IKZF1: variants seen among roughly 807,000 people sequenced by gnomAD.
IKZF1 encodes the protein DNA-binding protein Ikaros.
IKZF1 carries 10 observed loss-of-function variants against 51.7 expected under a neutral mutation model. The observed-to-expected ratio is 0.19, with a 90% CI of 0.12 to 0.33. The LOEUF (loss-of-function observed/expected upper bound fraction) is 0.33. IKZF1 is among the 10% of genes least tolerant of loss of function. IKZF1 has a pLI of 1.00. For synonymous variants in IKZF1, 280 were observed against 282.3 expected, an observed-to-expected ratio of 0.99 and a Z score of 0.08; for missense variants, 484 against 707.5, an observed-to-expected ratio of 0.68 and a Z score of 3.58.
rs115538632 is a variant in IKZF1 at position 50,401,392 on chromosome 7, G to A, written c.*765G>A. 2,014 of 227,640 alleles carry A rather than the reference G, an allele frequency of 8.8e-3. 43 individuals carry two copies. Among genetic ancestry groups the A allele is most frequent in the African/African-American group, 0.042 (1,901 of 45,124 alleles). 14.1% of individuals were successfully genotyped at this position (227,640 alleles called of 1,614,324 possible). A position where few individuals can be genotyped will look rare whatever the true frequency, so the allele number is the denominator to read the frequency against. ...GCCTCCCGAGGCTTGCTGCCCCGTA[G>A]GAGGAGACTGTCTTCCCGTGGGCAT... On this transcript the variant is annotated 3_prime_UTR_variant, in exon 8 of 8. Coordinates refer to ENST00000331340, the MANE Select transcript of IKZF1 (RefSeq NM_006060.6).
At chr7:50,388,071 G>C (rs974722565) in intron 6 of IKZF1, among the ~76,000 whole-genome samples, 1 of 152,124 alleles carries the variant, frequency 6.6e-6, no homozygotes, top group South Asian at 2.1e-4. Context: ...ATTGCATAAC[G>C]AGATAGCACT....
At chr7:50,344,383 C>T (rs534651973) in intron 3 of IKZF1, among the ~76,000 whole-genome samples, 1 of 152,186 alleles carries the variant, frequency 6.6e-6, no homozygotes, top group African/African-American at 2.4e-5. Context: ...CCAATGACTC[C>T]TTTATGAAGT....
intron 1 of IKZF1, among the ~76,000 whole-genome samples, chr7:50,307,904 G>A (rs1789195252): frequency 6.6e-6 from 1 of 152,148 alleles, no homozygotes; most frequent in Non-Finnish European, 1.5e-5. Flanking sequence ...CAGTAACAAA[G>A]CTGTTTTTAC....
intron 1 of IKZF1, among the ~76,000 whole-genome samples, chr7:50,305,554 A>C (rs905974198): frequency 3.9e-5 from 6 of 152,200 alleles, no homozygotes; most frequent in African/African-American, 1.4e-4. Flanking sequence ...GGAGGCATCT[A>C]ATGACCGAAA....
intron 3 of IKZF1, among the ~76,000 whole-genome samples, chr7:50,339,740 CCTT>C (rs1191085206): frequency 6.7e-6 from 1 of 150,132 alleles, no homozygotes; most frequent in African/African-American, 2.4e-5. Context: ...GGTGATAACT[CCTT>C]CTCAAAAAAA....
intron 3 of IKZF1, among the ~76,000 whole-genome samples, chr7:50,329,946 G>A (rs1215671830): frequency 1.3e-5 from 2 of 152,340 alleles, no homozygotes; most frequent in East Asian, 3.9e-4. Flanking sequence ...GGAGAGTGAA[G>A]AATAGCACAC....
At chr7:50,335,511 G>C (rs1214706616) in intron 3 of IKZF1, among the ~76,000 whole-genome samples, 1 of 145,348 alleles carries the variant, frequency 6.9e-6, no homozygotes, top group Non-Finnish European at 1.5e-5. Flanking sequence ...GTGTGTATGG[G>C]ATGTGTGGTG....
In IKZF1 at chr7:50,367,399, C is replaced by T. The variant is rs557591832; in HGVS notation, c.161-9134C>T. Among the ~76,000 whole-genome samples the T allele has an allele frequency of 2.9e-4, 44 of 152,206 alleles. No homozygotes were observed. The South Asian group carries it at 3.3e-3, about 11-fold the overall frequency. ...AGAAAGGAACATGCTGGGAAACTGT[C>T]CTGTGAAAGAGAATAGAAACCTGAA... is the stretch of plus-strand genomic sequence containing the variant. On this transcript the variant is annotated intron_variant, in intron 3 of 7. Coordinates refer to ENST00000331340, the MANE Select transcript of IKZF1 (RefSeq NM_006060.6).
intron 1 of IKZF1, among the ~76,000 whole-genome samples, chr7:50,310,185 T>C (rs2153335358): frequency 6.6e-6 from 1 of 152,358 alleles, no homozygotes; most frequent in Non-Finnish European, 1.5e-5. Context: ...ACTTTTGCAG[T>C]ATGAGTGTTT....
Position 50,387,413 on chromosome 7 carries a change from A to G in IKZF1, c.658A>G (p.Lys220Glu). The change falls in exon 6 of 8, where the codon AAA (lysine) becomes GAA (glutamate). Residue 220 changes from lysine to glutamate, a missense_variant. This residue lies in a region of IKZF1 where 53 missense variants were observed against 167.7 expected (regional missense o/e 0.32). Coordinates refer to ENST00000331340, the MANE Select transcript of IKZF1 (RefSeq NM_006060.6). The part of the protein sequence containing the change: ...YKQRSSLEEH[K>E]ERCHNYLESM... ...ACAGCGAAGCTCTTTAGAGGAACATAAAGAGCGCTGCCACAACTACTTGGA... is the reference window on the plus strand; with the variant it reads ...ACAGCGAAGCTCTTTAGAGGAACATGAAGAGCGCTGCCACAACTACTTGGA... The G allele has an allele frequency of 6.2e-7, 1 of 1,613,240 alleles. No homozygotes were observed. The highest frequency in any genetic ancestry group is 8.5e-7 in the Non-Finnish European group (1 of 1,179,594).
chr7:50,382,768 C>A (rs533944697), intron 5 of IKZF1, 61 bp downstream of exon 5: 3 of 1,528,266 alleles, frequency 2.0e-6, no homozygotes, highest in East Asian at 2.4e-5. Flanking sequence ...CCACTCTGCC[C>A]GCCTGGGTCC....
intron 3 of IKZF1, among the ~76,000 whole-genome samples, chr7:50,338,526 G>A (rs1228303336): frequency 6.6e-6 from 1 of 152,206 alleles, no homozygotes; most frequent in East Asian, 1.9e-4. Context: ...AGGCTGGGGG[G>A]TTGAGCTGTG....
At chr7:50,377,699 C>T (rs982396015) in intron 4 of IKZF1, among the ~76,000 whole-genome samples, 7 of 152,238 alleles carry the variant, frequency 4.6e-5, no homozygotes, top group African/African-American at 1.4e-4. Context: ...ATGAATAACA[C>T]ACACTTATTT....
chr7:50,374,869 G>T (rs183046754), intron 3 of IKZF1, among the ~76,000 whole-genome samples: 3 of 151,904 alleles, frequency 2.0e-5, no homozygotes, highest in African/African-American at 7.3e-5. Flanking sequence ...TCTCTAAATC[G>T]AGAGGAACTC....
At chr7:50,338,033 GT>G (rs1798191332) in intron 3 of IKZF1, among the ~76,000 whole-genome samples, 2 of 152,108 alleles carry the variant, frequency 1.3e-5, no homozygotes, top group South Asian at 4.1e-4. Context: ...TGGCAGATTT[GT>G]TAAGGTTTTT....
chr7:50,317,079 A>G (rs1194590674), intron 1 of IKZF1, among the ~76,000 whole-genome samples: 7 of 152,338 alleles, frequency 4.6e-5, no homozygotes, highest in Non-Finnish European at 1.0e-4. Flanking sequence ...TACAGAAAAA[A>G]TAGTAGTCCT....
intron 1 of IKZF1, among the ~76,000 whole-genome samples, chr7:50,305,702 C>A (rs1454765035): frequency 3.9e-5 from 6 of 152,128 alleles, no homozygotes; most frequent in African/African-American, 1.4e-4. Flanking sequence ...TTTCCCACTG[C>A]GCCGCAGGCA....
In IKZF1 at chr7:50,400,726, C is replaced by A; in HGVS notation, c.*99C>A. 1 of 1,355,362 alleles carries A rather than the reference C, an allele frequency of 7.4e-7. No individual in the cohort carries two copies. The highest frequency in any genetic ancestry group is 1.0e-6 in the Non-Finnish European group (1 of 1,002,180). 84.0% of individuals were successfully genotyped at this position (1,355,362 alleles called of 1,614,324 possible). A position where few individuals can be genotyped will look rare whatever the true frequency, so the allele number is the denominator to read the frequency against. ...CGCCAGCAGCATAGACTGGACTGGA[C>A]CAGACAATGTTGTGTTTGGATTTGT... On this transcript the variant is annotated 3_prime_UTR_variant, in exon 8 of 8. Transcript: ENST00000331340. The surrounding 1 kb of genome is among the most constrained non-coding windows in gnomAD (Gnocchi z 5.4).
intron 2 of IKZF1, 32 bp from the exon 3 acceptor site, chr7:50,327,606 G>C (rs749183592): frequency 1.3e-6 from 2 of 1,576,888 alleles, no homozygotes; most frequent in Non-Finnish European, 8.6e-7. Context: ...GACCATGACC[G>C]CCCGAGACTC....
Sources: allele counts gnomAD v4.1 joint callset (sites outside exome capture counted in the v4.1 genomes callset), GRCh38; gene constraint gnomAD v4.1.1; regional missense constraint gnomAD v4.1.1; non-coding constraint Gnocchi (gnomAD v3.1); transcripts MANE v1.5; gene names NCBI Gene and HGNC (gene_info 2026-07-23, HGNC 2026-07-21).